Variants in ADSS2 observed in about 807,000 individuals in gnomAD.
The protein encoded by ADSS2 is adenylosuccinate synthase 2, also known as adenylosuccinate synthetase isozyme 2.
Under a neutral mutation model 60.0 loss-of-function variants are expected in ADSS2, and 30 were observed. The observed-to-expected ratio is 0.50, with a 90% CI of 0.37 to 0.68. The LOEUF is 0.68. ADSS2 is among the 30% of genes least tolerant of loss of function. ADSS2 has a pLI of 0.00. For synonymous variants in ADSS2, 187 were observed against 193.1 expected (o/e 0.97, Z 0.26); for missense variants, 373 against 554.8 (o/e 0.67, Z 3.29).
At chr1:244,424,649 T>C (rs1050076422) in intron 4 of ADSS2, 43 of 266,622 alleles carry the variant, frequency 1.6e-4, no homozygotes, top group Middle Eastern at 1.2e-3. Context: ...TGAAACATCT[T>C]GCCCTAAAAT....
intron 9 of ADSS2, among the ~76,000 whole-genome samples, chr1:244,418,123 T>C (rs543374607): frequency 2.6e-5 from 4 of 152,310 alleles, no homozygotes; most frequent in South Asian, 2.1e-4. Flanking sequence ...TAATAAGTCA[T>C]TGATATCATA....
At chr1:244,445,423 A>G (rs191103182) in intron 1 of ADSS2, among the ~76,000 whole-genome samples, 82 of 152,340 alleles carry the variant, frequency 5.4e-4, no homozygotes, top group African/African-American at 1.9e-3. Flanking sequence ...ATGATATAAT[A>G]GTATTTAGTT....
intron 4 of ADSS2, chr1:244,424,729 T>C (rs542264771): frequency 4.7e-6 from 1 of 211,058 alleles, no homozygotes; most frequent in African/African-American, 2.4e-5. Flanking sequence ...CTAGGGCTCA[T>C]GTTGACACCT....
intron 1 of ADSS2, among the ~76,000 whole-genome samples, chr1:244,444,452 T>C (rs1665332111): frequency 7.6e-6 from 1 of 131,340 alleles, no homozygotes; most frequent in Non-Finnish European, 1.6e-5. Context: ...GAGGCGGAGC[T>C]TGCAGTGAGC....
chr1:244,424,256 A>C, intron 5 of ADSS2, 65 bp downstream of exon 5: 1 of 1,481,572 alleles, frequency 6.7e-7, no homozygotes, highest in South Asian at 1.2e-5. Context: ...CTTCTGGTCT[A>C]GAACTAAAAT....
intron 9 of ADSS2, 82 bp from the exon 10 acceptor site, chr1:244,417,834 C>A: frequency 7.6e-7 from 1 of 1,322,916 alleles, no homozygotes; most frequent in Admixed American, 2.3e-5. Flanking sequence ...GAGATCATAG[C>A]AAAGCCTCTT....
At chr1:244,423,210 A>T (rs760024619) in intron 6 of ADSS2, among the ~76,000 whole-genome samples, 1 of 152,132 alleles carries the variant, frequency 6.6e-6, no homozygotes, top group African/African-American at 2.4e-5. Flanking sequence ...AACACAAAAG[A>T]CTTAAATCTG....
intron 1 of ADSS2, among the ~76,000 whole-genome samples, chr1:244,449,264 G>C (rs1665473469): frequency 6.6e-6 from 1 of 152,144 alleles, no homozygotes. Context: ...ATTTTATGTT[G>C]GGAGAAAGTC....
intron 4 of ADSS2, among the ~76,000 whole-genome samples, chr1:244,425,222 A>G (rs1178306688): frequency 6.6e-6 from 1 of 152,176 alleles, no homozygotes; most frequent in Non-Finnish European, 1.5e-5. Flanking sequence ...AGAAGAGGCA[A>G]AACTAGAATT....
intron 1 of ADSS2, among the ~76,000 whole-genome samples, chr1:244,439,318 C>T (rs2148010326): frequency 6.6e-6 from 1 of 152,276 alleles, no homozygotes; most frequent in Non-Finnish European, 1.5e-5. Context: ...TCCTTATCTG[C>T]CTGGGTAACG....
At chr1:244,423,672 T>C (rs985281642) in intron 6 of ADSS2, among the ~76,000 whole-genome samples, 3 of 152,310 alleles carry the variant, frequency 2.0e-5, no homozygotes, top group Non-Finnish European at 4.4e-5. Flanking sequence ...GGAATCATTC[T>C]ATTTCTCAGG....
chr1:244,448,143 T>C (rs1340113323), intron 1 of ADSS2, among the ~76,000 whole-genome samples: 1 of 152,220 alleles, frequency 6.6e-6, no homozygotes, highest in East Asian at 1.9e-4. Flanking sequence ...AATTACCTAC[T>C]ATCCTTAAAA....
intron 1 of ADSS2, among the ~76,000 whole-genome samples, chr1:244,450,432 A>G (rs1161262489): frequency 6.6e-6 from 1 of 152,236 alleles, no homozygotes; most frequent in Non-Finnish European, 1.5e-5. Context: ...GAAACAAGGT[A>G]AATCAGAGAA....
chr1:244,411,652 T>A (rs1376134336), intron 11 of ADSS2, among the ~76,000 whole-genome samples: 2 of 152,212 alleles, frequency 1.3e-5, no homozygotes, highest in African/African-American at 4.8e-5. Flanking sequence ...ACGCATATGA[T>A]CATTTGCTAT....
chr1:244,441,838 C>T (rs1393811459), intron 1 of ADSS2, among the ~76,000 whole-genome samples: 1 of 152,048 alleles, frequency 6.6e-6, no homozygotes, highest in Admixed American at 6.6e-5. Flanking sequence ...TGCCTGTAGT[C>T]CCAGCTACTC....
rs113750907 is a variant in ADSS2 at position 244,431,654 on chromosome 1, G to T, written c.406+891C>A. On this transcript the variant is annotated intron_variant, in intron 4 of 12. Transcript: ENST00000366535. ...TGTTTTTCAGTAAAAACAAAAAATT[G>T]TTCTTTTCAGACTTTACAGATTAAG... Among the ~76,000 whole-genome samples the T allele has an allele frequency of 5.3e-3, 810 of 152,194 alleles. 14 individuals carry two copies. The highest frequency in any genetic ancestry group is 0.018 in the African/African-American group (730 of 41,536).
chr1:244,442,637 T>G (rs1487353286), intron 1 of ADSS2, among the ~76,000 whole-genome samples: 1 of 152,186 alleles, frequency 6.6e-6, no homozygotes, highest in Non-Finnish European at 1.5e-5. Flanking sequence ...GTATAACTTT[T>G]AATCTTGAAA....
chr1:244,417,834 C>T, intron 9 of ADSS2, 82 bp from the exon 10 acceptor site: 2 of 1,322,918 alleles, frequency 1.5e-6, no homozygotes, highest in Non-Finnish European at 2.1e-6. Context: ...GAGATCATAG[C>T]AAAGCCTCTT....
Position 244,451,505 on chromosome 1 carries a change from G to A in ADSS2, c.183+130C>T, listed in dbSNP as rs1186240695. 44 of 1,023,790 alleles carry A rather than the reference G, an allele frequency of 4.3e-5. No homozygotes were observed. The East Asian group carries it at 6.3e-4, about 15-fold the overall frequency. The allele number at this position is 1,023,790 out of a possible 1,614,324, so 63.4% of individuals were successfully genotyped here. On this transcript the variant is annotated intron_variant, in intron 1 of 12. Coordinates refer to ENST00000366535, the MANE Select transcript of ADSS2 (RefSeq NM_001126.5). This position sits in a 1 kb window ranked among gnomAD's most constrained non-coding sequence, Gnocchi z 6.6. ...ACGTAGCCGCAGCTCAGGACAGGAG[G>A]AGAGAGCCTCAAGGTGACACCTCAT...
Sources: gnomAD v4.1 joint callset for allele counts (sites outside exome capture counted in the v4.1 genomes callset) on GRCh38, gnomAD v4.1.1 for gene constraint, Gnocchi (gnomAD v3.1) non-coding constraint, MANE v1.5 for transcripts, NCBI Gene and HGNC (gene_info 2026-07-23, HGNC 2026-07-21) for gene names.